FOXN2: variants seen among roughly 807,000 people sequenced by gnomAD.
The protein encoded by FOXN2 is forkhead box protein N2.
In FOXN2, 19 loss-of-function variants were observed where a neutral mutation model predicts 41.2. That is an observed-to-expected ratio of 0.46 (90% CI 0.32 to 0.68). The LOEUF is 0.68. Ranked by LOEUF, FOXN2 falls within the 30% of genes least tolerant of loss-of-function variation. The pLI is 0.03. For synonymous variants in FOXN2, 195 were observed against 176.8 expected, an observed-to-expected ratio of 1.10 and a Z score of -0.82; for missense variants, 587 against 509.4, an observed-to-expected ratio of 1.15 and a Z score of -1.47.
intron 1 of FOXN2, 64 bp downstream of exon 1, chr2:48,314,878 C>T (rs1178952913): frequency 6.6e-6 from 1 of 151,982 alleles, no homozygotes; most frequent in East Asian, 1.9e-4. Context: ...CGCGGCGCAG[C>T]TCCCGGGCGC....
At chr2:48,371,975 A>G (rs1672925581) in intron 5 of FOXN2, among the ~76,000 whole-genome samples, 1 of 152,160 alleles carries the variant, frequency 6.6e-6, no homozygotes, top group Admixed American at 6.5e-5. Context: ...GTTGTCTGCA[A>G]ACAGGGACGT....
intron 2 of FOXN2, among the ~76,000 whole-genome samples, chr2:48,333,649 G>C (rs1670162043): frequency 6.6e-6 from 1 of 152,040 alleles, no homozygotes; most frequent in African/African-American, 2.4e-5. Flanking sequence ...AAATTTACCT[G>C]GCTTTCCATT....
intron 3 of FOXN2, among the ~76,000 whole-genome samples, chr2:48,348,189 A>G (rs974818696): frequency 3.3e-5 from 5 of 152,136 alleles, no homozygotes; most frequent in African/African-American, 1.2e-4. Context: ...GTAAAAATAT[A>G]TTAGACCATT....
chr2:48,373,421 TATAAA>T, intron 6 of FOXN2, 61 bp downstream of exon 6: 2 of 962,130 alleles, frequency 2.1e-6, no homozygotes, highest in Non-Finnish European at 3.2e-6. Context: ...TAACCTAGAC[TATAAA>T]ATAACTATTA....
At chr2:48,322,026 G>A (rs1558609594) in intron 1 of FOXN2, among the ~76,000 whole-genome samples, 2 of 152,152 alleles carry the variant, frequency 1.3e-5, no homozygotes, top group African/African-American at 4.8e-5. Flanking sequence ...TCGGCTTATT[G>A]CAATCTCCGC....
At chr2:48,343,496 T>A (rs1670899662) in intron 2 of FOXN2, among the ~76,000 whole-genome samples, 1 of 152,224 alleles carries the variant, frequency 6.6e-6, no homozygotes, top group Admixed American at 6.5e-5. Flanking sequence ...TGGTGGCTCA[T>A]GCCTGTAATC....
intron 5 of FOXN2, among the ~76,000 whole-genome samples, chr2:48,371,869 CTT>C (rs1164990367): frequency 6.6e-6 from 1 of 152,038 alleles, no homozygotes; most frequent in Non-Finnish European, 1.5e-5. Context: ...ATATTACTGA[CTT>C]TTGTGTATTA....
In FOXN2 at chr2:48,375,239, C is replaced by T. The variant is rs372033190; in HGVS notation, c.1092C>T (p.Asp364=). The T allele has an allele frequency of 2.6e-5, 42 of 1,613,904 alleles. No homozygotes were observed. Among genetic ancestry groups the T allele is most frequent in the Non-Finnish European group, 3.5e-5 (41 of 1,179,996 alleles). The change falls in exon 7 of 7, where the codon GAC becomes GAT. Residue 364 remains aspartate, a synonymous_variant. Transcript: ENST00000340553. ...DVDYEDDPLG[D]SGYASQPCAK... is the part of the protein sequence containing the mutation. Reference sequence around the variant, plus strand: ...ATTATGAAGATGATCCTCTTGGAGACAGTGGCTATGCATCACAGCCTTGTG... The same window carrying T: ...ATTATGAAGATGATCCTCTTGGAGATAGTGGCTATGCATCACAGCCTTGTG...
chr2:48,332,125 C>A (rs1365905198), intron 2 of FOXN2, among the ~76,000 whole-genome samples: 2 of 152,122 alleles, frequency 1.3e-5, no homozygotes, highest in Non-Finnish European at 2.9e-5. Flanking sequence ...TATTCCTGTC[C>A]TGTTTTCATG....
At position 48,341,221 on chromosome 2, in the gene FOXN2, C is replaced by T. The variant is rs1334861056; in HGVS notation, c.-14-4980C>T. On this transcript the variant is annotated intron_variant, in intron 2 of 6. Coordinates refer to ENST00000340553, the MANE Select transcript of FOXN2 (RefSeq NM_002158.4). ...ATTTGGCTTTATGAAGCAAACTGACCATGCATATTATTAATGCTGTGCTAG... is the reference window on the plus strand; with the variant it reads ...ATTTGGCTTTATGAAGCAAACTGACTATGCATATTATTAATGCTGTGCTAG... 3.3e-5 allele frequency among the ~76,000 whole-genome samples: 5 copies of T among 151,970 alleles called. No individual in the cohort carries two copies. In the East Asian group the frequency reaches 5.8e-4, roughly 18 times the overall value.
intron 4 of FOXN2, among the ~76,000 whole-genome samples, chr2:48,359,613 TTTTCTTTTC>T (rs1672044008): frequency 6.7e-6 from 1 of 150,100 alleles, no homozygotes; most frequent in Admixed American, 6.7e-5. Flanking sequence ...TTTTCTTTTC[TTTTCTTTTC>T]TTTTTTTAAG....
At chr2:48,333,646 C>T (rs1448178427) in intron 2 of FOXN2, among the ~76,000 whole-genome samples, 3 of 152,090 alleles carry the variant, frequency 2.0e-5, no homozygotes, top group Non-Finnish European at 4.4e-5. Context: ...ATGAAATTTA[C>T]CTGGCTTTCC....
intron 1 of FOXN2, among the ~76,000 whole-genome samples, chr2:48,328,196 T>C (rs755691231): frequency 6.6e-6 from 1 of 152,252 alleles, no homozygotes; most frequent in Non-Finnish European, 1.5e-5. Context: ...TTTAGGACTT[T>C]CGCTCTGTTG....
intron 1 of FOXN2, among the ~76,000 whole-genome samples, chr2:48,327,108 C>G (rs1045225536): frequency 6.6e-6 from 1 of 152,012 alleles, no homozygotes; most frequent in Non-Finnish European, 1.5e-5. Flanking sequence ...CTTTCCTGAA[C>G]TTTACGTCAC....
intron 2 of FOXN2, among the ~76,000 whole-genome samples, chr2:48,337,067 T>C (rs2104291152): frequency 6.6e-6 from 1 of 152,092 alleles, no homozygotes; most frequent in Admixed American, 6.5e-5. Flanking sequence ...TTTTTTTTTT[T>C]TTGTACTCAT....
chr2:48,327,388 A>G (rs1357510480), intron 1 of FOXN2, among the ~76,000 whole-genome samples: 1 of 152,130 alleles, frequency 6.6e-6, no homozygotes, highest in Non-Finnish European at 1.5e-5. Flanking sequence ...TGTATTCCAT[A>G]TAAGTTTATT....
chr2:48,338,907 A>G (rs1670550402), intron 2 of FOXN2, among the ~76,000 whole-genome samples: 1 of 152,184 alleles, frequency 6.6e-6, no homozygotes, highest in African/African-American at 2.4e-5. Flanking sequence ...AGCAACCAAT[A>G]AAGAGATTGA....
In FOXN2 at chr2:48,375,282, G is replaced by C. The variant is rs1007175493; in HGVS notation, c.1135G>C (p.Gly379Arg). The change falls in exon 7 of 7, where the codon GGG becomes CGG. Residue 379 changes from glycine (G) to arginine (R), a missense_variant. Physicochemically the swap from Gly to Arg is moderately radical, Grantham distance 125. Transcript: ENST00000340553. ...GCCTTGTGCAAAAATCTCTGAAAAA[G>C]GGCAGTCAGGCAAAAAGATGCGAAA... ...SQPCAKISEK[G>R]QSGKKMRKQT... 3.7e-6 allele frequency: 6 copies of C among 1,613,978 alleles called. No homozygotes were observed. Among genetic ancestry groups the C allele is most frequent in the Non-Finnish European group, 5.1e-6 (6 of 1,179,976 alleles).
chr2:48,338,419 A>C (rs1283548860), intron 2 of FOXN2, among the ~76,000 whole-genome samples: 1 of 149,668 alleles, frequency 6.7e-6, no homozygotes, highest in African/African-American at 2.5e-5. Flanking sequence ...TTTGAGACGG[A>C]ATCTCGGAAT....
Sources: allele counts gnomAD v4.1 joint callset (sites outside exome capture counted in the v4.1 genomes callset), GRCh38; gene constraint gnomAD v4.1.1; transcripts MANE v1.5; gene names NCBI Gene and HGNC (gene_info 2026-07-23, HGNC 2026-07-21).